The following GSE1 variants were observed in gnomAD, a reference collection of about 807,000 sequenced individuals.
GSE1 encodes Gse1 coiled-coil protein.
GSE1 carries 32 observed loss-of-function variants against 112.6 expected under a neutral mutation model. The ratio of observed to expected loss-of-function variants is 0.28; its 90% CI spans 0.21 to 0.38. The LOEUF is 0.38. GSE1 is among the 10% of genes least tolerant of loss of function. GSE1 has a pLI of 1.00. For missense variants in GSE1, 2,348 were observed against 1,699.2 expected, an observed-to-expected ratio of 1.38 and a Z score of -6.71; for synonymous variants, 1,115 against 735.6, an observed-to-expected ratio of 1.52 and a Z score of -8.35.
intron 2 of GSE1, among the ~76,000 whole-genome samples, chr16:85,404,065 C>G (rs2048184876): frequency 6.6e-6 from 1 of 152,126 alleles, no homozygotes; most frequent in African/African-American, 2.4e-5. Context: ...CTGCCCACCT[C>G]TCAGAAACCA....
chr16:85,296,709 C>T (rs558172792), intron 1 of GSE1, among the ~76,000 whole-genome samples: 20 of 152,374 alleles, frequency 1.3e-4, no homozygotes, highest in Admixed American at 2.0e-4. Flanking sequence ...CCTGGGCTAA[C>T]GCTGACTGTG....
intron 2 of GSE1, among the ~76,000 whole-genome samples, chr16:85,521,130 C>G (rs889488731): frequency 2.0e-5 from 3 of 151,990 alleles, no homozygotes; most frequent in Middle Eastern, 6.3e-3. Flanking sequence ...TCCGTCTTGA[C>G]TAGTGCTGGG....
intron 2 of GSE1, among the ~76,000 whole-genome samples, chr16:85,476,891 G>A (rs997583793): frequency 2.7e-5 from 4 of 150,108 alleles, no homozygotes; most frequent in Admixed American, 6.6e-5. Context: ...GAGGCTACAG[G>A]TGTGAGCTAC....
intron 2 of GSE1, among the ~76,000 whole-genome samples, chr16:85,388,376 G>GGATAGA: frequency 1.6e-5 from 1 of 60,766 alleles, no homozygotes; most frequent in Non-Finnish European, 3.2e-5. Context: ...GGGCGGGTGG[G>GGATAGA]TGGATGGATG....
At chr16:85,486,269 T>TCACAGGTGGACGCTGTCACCTGCTCTCA (rs1318053836) in intron 2 of GSE1, among the ~76,000 whole-genome samples, 4 of 151,558 alleles carry the variant, frequency 2.6e-5, no homozygotes, top group African/African-American at 9.7e-5. Flanking sequence ...TCCCTTATAC[T>TCACAGGTGGACGCTGTCACCTGCTCTCA]CACAGGTGGA....
chr16:85,276,388 T>A (rs926546270), intron 1 of GSE1, among the ~76,000 whole-genome samples: 1 of 152,224 alleles, frequency 6.6e-6, no homozygotes, highest in African/African-American at 2.4e-5. Flanking sequence ...GACCAGGAAG[T>A]CTGGCTTACA....
chr16:85,472,928 T>C (rs1297801519), intron 2 of GSE1, among the ~76,000 whole-genome samples: 1 of 152,234 alleles, frequency 6.6e-6, no homozygotes, highest in East Asian at 1.9e-4. Flanking sequence ...CAACTGAGGC[T>C]CACTCTATGT....
At chr16:85,590,573 ATGAG>A (rs1233826705) in intron 1 of GSE1, among the ~76,000 whole-genome samples, 2 of 150,094 alleles carry the variant, frequency 1.3e-5, no homozygotes, top group African/African-American at 4.9e-5. Flanking sequence ...CCGCGTGTGA[ATGAG>A]TATGAACATG....
At chr16:85,377,263 G>A (rs996383046) in intron 2 of GSE1, among the ~76,000 whole-genome samples, 2 of 152,166 alleles carry the variant, frequency 1.3e-5, no homozygotes, top group African/African-American at 4.8e-5. Context: ...ACTCTCCACA[G>A]GCATCTGTGC....
intron 1 of GSE1, among the ~76,000 whole-genome samples, chr16:85,584,458 C>T (rs1015423804): frequency 9.9e-5 from 15 of 152,184 alleles, no homozygotes; most frequent in African/African-American, 1.4e-4. Context: ...TTACACTCTC[C>T]GGGTACTGAT....
At chr16:85,254,732 C>T (rs1435206156) in intron 1 of GSE1, among the ~76,000 whole-genome samples, 1 of 152,194 alleles carries the variant, frequency 6.6e-6, no homozygotes, top group East Asian at 1.9e-4. Context: ...TCTTGGAAAC[C>T]CAGACGTTAT....
rs1460008548 is a variant in GSE1, at chr16:85,268,940, A to G, written c.2284-88523A>G. On this transcript the variant is annotated intron_variant, in intron 1 of 2. Coordinates refer to the GSE1 transcript ENST00000637419. ...GGGGCTAGGCTTGCCCCTGCCTTCT[A>G]ACAGGTTCTGATTTTAATGACAGGG... Among the ~76,000 whole-genome samples, 2 of 126,094 alleles carry G rather than the reference A, an allele frequency of 1.6e-5. 1 individual carries two copies. The highest frequency in any genetic ancestry group is 3.9e-5 in the Non-Finnish European group (2 of 50,662). 82.7% of individuals were successfully genotyped at this position (126,094 alleles called of 152,430 possible). A position where few individuals can be genotyped will look rare whatever the true frequency, so the allele number is the denominator to read the frequency against.
intron 1 of GSE1, among the ~76,000 whole-genome samples, chr16:85,219,173 C>T (rs55761242): frequency 1.1e-3 from 173 of 152,236 alleles, no homozygotes; most frequent in Middle Eastern, 6.8e-3. Flanking sequence ...CCACCGCGCC[C>T]GGCCTAATTT....
chr16:85,568,685 C>T (rs1027008248), intron 1 of GSE1, among the ~76,000 whole-genome samples: 4 of 152,200 alleles, frequency 2.6e-5, no homozygotes, highest in South Asian at 2.1e-4. Context: ...AACCCTTCCC[C>T]ATTCACTCCC....
At chr16:85,207,800 T>C (rs1353411118) in intron 1 of GSE1, 1 of 152,074 alleles carries the variant, frequency 6.6e-6, no homozygotes, top group Non-Finnish European at 1.5e-5. Context: ...ACACACCCAC[T>C]CCCGGTCACC....
chr16:85,258,702 G>T (rs978491566), intron 1 of GSE1, among the ~76,000 whole-genome samples: 1 of 152,128 alleles, frequency 6.6e-6, no homozygotes, highest in East Asian at 1.9e-4. Flanking sequence ...TGTCCTTCCC[G>T]CCTGGTCAGT....
intron 1 of GSE1, among the ~76,000 whole-genome samples, chr16:85,568,961 C>G (rs558377845): frequency 3.8e-4 from 58 of 152,314 alleles, no homozygotes; most frequent in Non-Finnish European, 6.8e-4. Flanking sequence ...ATGGAGACCC[C>G]TAGAAATGAG....
At chr16:85,269,206 C>T (rs1418800416) in intron 1 of GSE1, among the ~76,000 whole-genome samples, 1 of 149,502 alleles carries the variant, frequency 6.7e-6, no homozygotes, top group Non-Finnish European at 1.5e-5. Context: ...GCCACCCCCA[C>T]CTCCAATTTA....
At chr16:85,514,427 C>A (rs1247914324) in intron 2 of GSE1, among the ~76,000 whole-genome samples, 1 of 69,206 alleles carries the variant, frequency 1.4e-5, no homozygotes, top group Admixed American at 1.4e-4. Flanking sequence ...GCTCTCGAGT[C>A]CCCCCCCCCA....
Sources: gnomAD v4.1 joint callset for allele counts (sites outside exome capture counted in the v4.1 genomes callset) on GRCh38, gnomAD v4.1.1 for gene constraint, MANE v1.5 for transcripts, NCBI Gene and HGNC (gene_info 2026-07-23, HGNC 2026-07-21) for gene names.